Variants in RORA observed in about 807,000 individuals in gnomAD.
The protein encoded by RORA is RAR related orphan receptor A.
RORA carries 7 observed loss-of-function variants against 69.5 expected under a neutral mutation model. That is an observed-to-expected ratio of 0.10 (90% CI 0.06 to 0.19). The LOEUF is 0.19. RORA is among the 10% of genes least tolerant of loss of function. The pLI, the probability that RORA is intolerant of heterozygous loss-of-function variation, is 1.00. For missense variants in RORA, 457 were observed against 663.0 expected, an observed-to-expected ratio of 0.69 and a Z score of 3.41; for synonymous variants, 261 against 240.8, an observed-to-expected ratio of 1.08 and a Z score of -0.78.
In RORA at chr15:60,727,923, T is replaced by A. The variant is rs72750607; in HGVS notation, c.167-49237A>T. The stretch of plus-strand genomic sequence containing the variant: ...CTCTGAATGCACTCCTGGACCTGGC[T>A]TCACCTCCTCCTGGCAAATACACAG... On this transcript the variant is annotated intron_variant, in intron 1 of 10. Coordinates refer to ENST00000335670, the MANE Select transcript of RORA (RefSeq NM_134261.3). Among the ~76,000 whole-genome samples the A allele has an allele frequency of 5.1e-3, 778 of 152,288 alleles. 5 individuals are homozygous for A. The highest frequency in any genetic ancestry group is 9.2e-3 in the Admixed American group (140 of 15,294).
rs749026467 is a variant in RORA, at chr15:60,499,982, C to G, written c.1317G>C (p.Lys439Asn). 5 of 1,610,990 alleles carry G rather than the reference C, an allele frequency of 3.1e-6. No homozygotes were observed. In the African/African-American group the frequency reaches 6.7e-5, roughly 22 times the overall value. ...MSADRSWLQE[K>N]VKIEKLQQKI... ...TCTGTTGCAGTTTTTCAATTTTTAC[C>G]TTTTCTTGCAGCCATGAGCGATCTA... The change falls in exon 10 of 11, where the codon AAG (lysine) becomes AAC (asparagine). Residue 439 changes from lysine (K) to asparagine (N), a missense_variant. Physicochemically the swap from Lys to Asn is moderately conservative, Grantham distance 94. Transcript: ENST00000335670.
intron 2 of RORA, among the ~76,000 whole-genome samples, chr15:60,543,585 C>A (rs1203221267): frequency 6.6e-6 from 1 of 152,106 alleles, no homozygotes; most frequent in Admixed American, 6.5e-5. Flanking sequence ...CTGAAGCAAT[C>A]CTACCACCTC....
intron 1 of RORA, among the ~76,000 whole-genome samples, chr15:61,021,806 C>T (rs750881517): frequency 6.6e-6 from 1 of 152,154 alleles, no homozygotes; most frequent in African/African-American, 2.4e-5. Flanking sequence ...ACACACTGTC[C>T]TATGCAAACA....
intron 1 of RORA, among the ~76,000 whole-genome samples, chr15:61,142,215 G>T (rs1437843903): frequency 6.6e-6 from 1 of 152,042 alleles, no homozygotes. Context: ...GAGTGTTTCA[G>T]CTGAATTCTC....
intron 1 of RORA, among the ~76,000 whole-genome samples, chr15:61,136,990 G>A (rs1017342336): frequency 3.6e-5 from 5 of 140,484 alleles, no homozygotes; most frequent in African/African-American, 1.3e-4. Context: ...GACCAAAGCT[G>A]ATAAGAGTCC....
intron 2 of RORA, among the ~76,000 whole-genome samples, chr15:60,666,581 G>A (rs944731894): frequency 7.9e-5 from 12 of 152,128 alleles, no homozygotes; most frequent in Admixed American, 3.3e-4. Context: ...TACTGTGGGG[G>A]CTGCAGCAAT....
chr15:60,500,878 C>T, intron 9 of RORA, 81 bp downstream of exon 9: 1 of 741,860 alleles, frequency 1.3e-6, no homozygotes, highest in Non-Finnish European at 2.3e-6. Flanking sequence ...TATTTTATAG[C>T]TATTAAACGT....
At chr15:60,771,014 T>C (rs1259436180) in intron 1 of RORA, among the ~76,000 whole-genome samples, 1 of 152,242 alleles carries the variant, frequency 6.6e-6, no homozygotes, top group African/African-American at 2.4e-5. Flanking sequence ...AATTATTCTT[T>C]GTTTATCTGA....
At chr15:60,547,688 A>G (rs950453059) in intron 2 of RORA, 1 of 147,212 alleles carries the variant, frequency 6.8e-6, no homozygotes, top group African/African-American at 2.6e-5. Context: ...TTTTCAGCAT[A>G]TTAACTATTG....
intron 1 of RORA, among the ~76,000 whole-genome samples, chr15:60,809,018 G>C (rs980315357): frequency 6.6e-6 from 1 of 152,110 alleles, no homozygotes; most frequent in African/African-American, 2.4e-5. Flanking sequence ...TGGAGACTCA[G>C]AGGAAATGTT....
chr15:60,970,923 C>T (rs1284739180), intron 1 of RORA, among the ~76,000 whole-genome samples: 1 of 152,106 alleles, frequency 6.6e-6, no homozygotes, highest in Non-Finnish European at 1.5e-5. Context: ...AGGAGAGAGA[C>T]AGAAACATTC....
intron 1 of RORA, among the ~76,000 whole-genome samples, chr15:61,161,663 A>G (rs540556064): frequency 6.6e-6 from 1 of 152,286 alleles, no homozygotes; most frequent in African/African-American, 2.4e-5. Context: ...TCTCAAAAAA[A>G]AAGTTCTTAT....
At chr15:61,090,970 A>T (rs779372281) in intron 1 of RORA, among the ~76,000 whole-genome samples, 1 of 152,058 alleles carries the variant, frequency 6.6e-6, no homozygotes. Flanking sequence ...CTAATACCTA[A>T]AACAGTCCAC....
chr15:60,528,572 A>G (rs1338917890), intron 3 of RORA: 7 of 152,116 alleles, frequency 4.6e-5, no homozygotes, highest in African/African-American at 1.7e-4. Context: ...ATTCTTTTTT[A>G]TTGGCAGATT....
At chr15:61,115,493 A>G (rs1417579052) in intron 1 of RORA, among the ~76,000 whole-genome samples, 1 of 152,224 alleles carries the variant, frequency 6.6e-6, no homozygotes, top group African/African-American at 2.4e-5. Flanking sequence ...CCCTCAAGGA[A>G]AGCCAAGAGC....
chr15:60,825,791 TTG>T (rs1393008194), intron 1 of RORA, among the ~76,000 whole-genome samples: 2 of 152,284 alleles, frequency 1.3e-5, no homozygotes, highest in East Asian at 3.9e-4. Context: ...GAATCTAAGA[TTG>T]TCTTTAGTAG....
intron 1 of RORA, among the ~76,000 whole-genome samples, chr15:60,716,871 A>G (rs1210638831): frequency 6.6e-6 from 1 of 152,176 alleles, no homozygotes; most frequent in Non-Finnish European, 1.5e-5. Flanking sequence ...CCCTTCCCCC[A>G]TACTTAACCC....
intron 2 of RORA, among the ~76,000 whole-genome samples, chr15:60,570,133 C>T (rs954179852): frequency 3.9e-5 from 6 of 152,052 alleles, no homozygotes; most frequent in Non-Finnish European, 7.4e-5. Context: ...AGAAGATAGC[C>T]GATCACGGGC....
At chr15:60,744,435 C>T (rs1157942823) in intron 1 of RORA, among the ~76,000 whole-genome samples, 2 of 152,094 alleles carry the variant, frequency 1.3e-5, no homozygotes, top group African/African-American at 4.8e-5. Flanking sequence ...CGGTTATATC[C>T]AGGGAGGCAT....
Sources: gnomAD v4.1 joint callset for allele counts (sites outside exome capture counted in the v4.1 genomes callset) on GRCh38, gnomAD v4.1.1 for gene constraint, MANE v1.5 for transcripts, NCBI Gene and HGNC (gene_info 2026-07-23, HGNC 2026-07-21) for gene names.